The following KLHL10 variants were observed in gnomAD, a reference collection of about 807,000 sequenced individuals.
KLHL10 encodes the protein kelch-like protein 10.
A neutral mutation model predicts 46.6 loss-of-function variants in KLHL10; 11 were observed. The observed-to-expected ratio is 0.24, with a 90% CI of 0.15 to 0.39. KLHL10 has a LOEUF of 0.39. Ranked by LOEUF, KLHL10 falls within the 10% of genes least tolerant of loss-of-function variation. KLHL10 has a pLI of 1.00. For synonymous variants in KLHL10, 254 were observed against 279.1 expected (o/e 0.91, Z 0.90); for missense variants, 475 against 789.8 (o/e 0.60, Z 4.78).
chr17:41,843,952 G>A (rs1018580017), intron 2 of KLHL10, among the ~76,000 whole-genome samples: 22 of 151,722 alleles, frequency 1.5e-4, no homozygotes, highest in Non-Finnish European at 2.7e-4. Flanking sequence ...TAGTAGAGAC[G>A]GGGTTTCACC....
At chr17:41,838,615 T>G (rs2048193252) in intron 1 of KLHL10, among the ~76,000 whole-genome samples, 2 of 144,634 alleles carry the variant, frequency 1.4e-5, no homozygotes, top group African/African-American at 2.5e-5. Flanking sequence ...ATGACTAGGG[T>G]CAGGGCCTTT....
At chr17:41,839,592 T>G (rs2048206308) in intron 1 of KLHL10, among the ~76,000 whole-genome samples, 1 of 152,252 alleles carries the variant, frequency 6.6e-6, no homozygotes, top group African/African-American at 2.4e-5. Flanking sequence ...AGAAGGGCTA[T>G]TTTGTTCATG....
rs749330316 is a variant in KLHL10, at chr17:41,848,260, C to G, written c.1780C>G (p.Arg594Gly). The G allele has an allele frequency of 9.1e-5, 146 of 1,613,130 alleles. No individual in the cohort carries two copies. Among genetic ancestry groups the G allele is most frequent in the Non-Finnish European group, 1.2e-4 (142 of 1,179,860 alleles). Residue 594 changes from arginine to glycine, a missense_variant, in exon 5 of 5, where the codon CGA becomes GGA. Arg to Gly is a moderately radical substitution (Grantham distance 125). Transcript: ENST00000293303. ...RRDNFPGLAL[R>G]DEVKYSASTS... ...GGACAACTTCCCAGGATTAGCACTG[C>G]GAGATGAAGTAAAATATTCTGCTTC...
chr17:41,845,053 A>G, intron 2 of KLHL10, 73 bp from the exon 3 acceptor site: 1 of 1,582,058 alleles, frequency 6.3e-7, no homozygotes. Flanking sequence ...CAGATCGAAA[A>G]ATGGGAGTTA....
At chr17:41,845,043 C>A in intron 2 of KLHL10, 83 bp from the exon 3 acceptor site, 1 of 1,534,708 alleles carries the variant, frequency 6.5e-7, no homozygotes, top group Non-Finnish European at 9.0e-7. Context: ...AATTCAAAGG[C>A]AGATCGAAAA....
chr17:41,845,696 A>G lies in KLHL10; in HGVS notation c.1255A>G (p.Met419Val), dbSNP rs1218449996. ...CAATCAATGGACACTCATCGCCCCC[A>G]TGCACGAACAGAGGAGTGATGCAAG... ...ETNQWTLIAP[M>V]HEQRSDASAT... is the part of the protein sequence containing the mutation. The change falls in exon 3 of 5, where the codon ATG becomes GTG. Residue 419 changes from methionine (M) to valine (V), a missense_variant. Transcript: ENST00000293303. 1.9e-6 allele frequency: 3 copies of G among 1,613,066 alleles called. No homozygotes were observed. Among genetic ancestry groups the G allele is most frequent in the Non-Finnish European group, 1.7e-6 (2 of 1,179,326 alleles).
At chr17:41,836,035 G>T (rs1256892271), upstream of KLHL10, 13 of 1,439,526 alleles carry the variant, frequency 9.0e-6, no homozygotes, top group Non-Finnish European at 1.2e-5. Flanking sequence ...GCTCGGGCGC[G>T]CGTGTGAGGC....
intron 2 of KLHL10, 141 bp from the exon 3 acceptor site, chr17:41,844,985 T>G: frequency 9.4e-7 from 1 of 1,061,822 alleles, no homozygotes; most frequent in East Asian, 2.5e-5. Flanking sequence ...AATCGACTAT[T>G]TAAACTGTGA....
chr17:41,844,894 A>G (rs1297127061), intron 2 of KLHL10, among the ~76,000 whole-genome samples: 10 of 152,078 alleles, frequency 6.6e-5, no homozygotes, highest in Non-Finnish European at 1.5e-4. Context: ...CTATGTTGCC[A>G]GGCTGGTCTC....
At chr17:41,842,521 G>A (rs548163124) in intron 2 of KLHL10, among the ~76,000 whole-genome samples, 1 of 152,256 alleles carries the variant, frequency 6.6e-6, no homozygotes, top group African/African-American at 2.4e-5. Flanking sequence ...CCTGGTGGTG[G>A]GGGAAGAAGA....
chr17:41,835,820 GC>G (rs782120234), upstream of KLHL10: 7 of 1,555,458 alleles, frequency 4.5e-6, no homozygotes, highest in Admixed American at 9.2e-5. Context: ...CTCTCCAGCC[GC>G]CCCCAGCCCG....
chr17:41,842,419 G>C (rs1434171512), intron 2 of KLHL10, 107 bp downstream of exon 2: 96 of 1,355,402 alleles, frequency 7.1e-5, no homozygotes, highest in Non-Finnish European at 9.3e-5. Context: ...TAGATAGAAG[G>C]CATCTACTAT....
In KLHL10 at chr17:41,848,199, A is replaced by G. The variant is rs781812117; in HGVS notation, c.1719A>G (p.Pro573=). 9.4e-5 allele frequency: 152 copies of G among 1,614,182 alleles called. 1 individual carries two copies. In the South Asian group the frequency reaches 1.1e-3, roughly 12 times the overall value. The change falls in exon 5 of 5, where the codon CCA becomes CCG. Residue 573 remains proline (P), a synonymous_variant. Coordinates refer to ENST00000293303, the MANE Select transcript of KLHL10 (RefSeq NM_152467.5). ...YRSALSCCVV[P]GLANVEEYAA... is the part of the protein sequence containing the mutation. ...GTGCTCTGAGCTGCTGTGTAGTACC[A>G]GGGCTGGCCAATGTTGAGGAATATG...
intron 2 of KLHL10, among the ~76,000 whole-genome samples, chr17:41,843,048 C>G (rs559495518): frequency 3.3e-5 from 5 of 150,906 alleles, no homozygotes; most frequent in African/African-American, 9.8e-5. Flanking sequence ...ACTGCTTGAG[C>G]CTGGGAGGTC....
Position 41,841,934 on chromosome 17 carries a change from G to A in KLHL10, c.306G>A (p.Val102=). The change falls in exon 2 of 5, where the codon GTG becomes GTA. Residue 102 remains valine (V), a synonymous_variant. Transcript: ENST00000293303. The part of the protein sequence containing the change: ...LIIEYAYTRT[V]PITPDNVEKL... ...TTGAGTATGCATACACCCGGACCGT[G>A]CCTATCACACCGGACAATGTGGAGA... 1.2e-6 allele frequency: 2 copies of A among 1,614,180 alleles called. No homozygotes were observed. Among genetic ancestry groups the A allele is most frequent in the Non-Finnish European group, 1.7e-6 (2 of 1,180,046 alleles).
intron 3 of KLHL10, among the ~76,000 whole-genome samples, chr17:41,846,671 A>C (rs1450107569): frequency 1.3e-5 from 2 of 152,100 alleles, no homozygotes; most frequent in African/African-American, 4.8e-5. Context: ...ACATGGTGAA[A>C]CCCGGTCTCT....
intron 2 of KLHL10, among the ~76,000 whole-genome samples, chr17:41,844,829 G>A (rs924691500): frequency 2.6e-5 from 4 of 151,822 alleles, no homozygotes; most frequent in Non-Finnish European, 2.9e-5. Flanking sequence ...GATTACGGCC[G>A]TGAGCCACCT....
At position 41,842,080 on chromosome 17, in the gene KLHL10, A is replaced by T. The variant is rs781808591; in HGVS notation, c.452A>T (p.Tyr151Phe). Residue 151 changes from tyrosine (Y) to phenylalanine (F), a missense_variant, in exon 2 of 5, where the codon TAC becomes TTC. Tyr to Phe is a conservative substitution (Grantham distance 22, BLOSUM62 3). Transcript: ENST00000293303. Reference sequence around the variant, plus strand: ...GGCATCTGTAAGTTCACGGACTACTACTACTGTCCTGAGCTGAGGCAGAAG... The same window carrying T: ...GGCATCTGTAAGTTCACGGACTACTTCTACTGTCCTGAGCTGAGGCAGAAG... ...CIGICKFTDY[Y>F]YCPELRQKAY... is the part of the protein sequence containing the mutation. The T allele has an allele frequency of 6.2e-7, 1 of 1,614,148 alleles. No homozygotes were observed. Among genetic ancestry groups the T allele is most frequent in the Non-Finnish European group, 8.5e-7 (1 of 1,180,022 alleles).
chr17:41,838,324 C>A (rs958341271), intron 1 of KLHL10, among the ~76,000 whole-genome samples, 198 bp downstream of exon 1: 1 of 151,990 alleles, frequency 6.6e-6, no homozygotes, highest in Non-Finnish European at 1.5e-5. Flanking sequence ...TGTAGTGATG[C>A]AATCATAGCT....
Sources: allele counts gnomAD v4.1 joint callset (sites outside exome capture counted in the v4.1 genomes callset), GRCh38; gene constraint gnomAD v4.1.1; transcripts MANE v1.5; gene names NCBI Gene and HGNC (gene_info 2026-07-23, HGNC 2026-07-21).